The following PUDP variants were observed in gnomAD, a reference collection of about 807,000 sequenced individuals.
PUDP encodes pseudouridine-5'-phosphatase.
In PUDP, 8 loss-of-function variants were observed where a neutral mutation model predicts 9.4. That is an observed-to-expected ratio of 0.85 (90% CI 0.50 to 1.53). PUDP has a LOEUF of 1.53. Ranked by LOEUF, PUDP falls within the 40% of genes most tolerant of loss-of-function variation. The pLI, the probability that PUDP is intolerant of heterozygous loss-of-function variation, is 0.00. For missense variants in PUDP, 188 were observed against 189.7 expected (o/e 0.99, Z 0.05); for synonymous variants, 99 against 80.7 (o/e 1.23, Z -1.22).
At chrX:7,104,198 T>C (rs1309161245) in intron 2 of PUDP, among the ~76,000 whole-genome samples, 1 of 112,245 alleles carries the variant, frequency 8.9e-6, no homozygotes, top group Non-Finnish European at 1.9e-5. Flanking sequence ...TGGTCTAACA[T>C]ACCATAGAAT....
At chrX:6,792,795 T>C (rs1421507492) in intron 3 of PUDP, among the ~76,000 whole-genome samples, 1 of 112,958 alleles carries the variant, frequency 8.9e-6, no homozygotes, top group Non-Finnish European at 1.9e-5. Context: ...TGATTTTTTC[T>C]TGCTAATCTG....
intron 3 of PUDP, among the ~76,000 whole-genome samples, chrX:6,940,767 CA>C (rs1232507283): frequency 9.0e-6 from 1 of 111,587 alleles, no homozygotes; most frequent in Non-Finnish European, 1.9e-5. Flanking sequence ...CTCTTGTTTA[CA>C]AACTTCCACT....
intron 3 of PUDP, among the ~76,000 whole-genome samples, chrX:6,944,394 T>C (rs955855369): frequency 3.6e-5 from 4 of 111,439 alleles, no homozygotes; most frequent in Middle Eastern, 4.6e-3. Context: ...AGTGTGAAAA[T>C]GAACTAATAC....
intron 3 of PUDP, among the ~76,000 whole-genome samples, chrX:6,848,091 T>C (rs1926775022): frequency 8.9e-6 from 1 of 112,077 alleles, no homozygotes; most frequent in African/African-American, 3.2e-5. Flanking sequence ...AGGGATCCTG[T>C]GTACATCTTC....
intron 2 of PUDP, among the ~76,000 whole-genome samples, chrX:7,096,945 G>A (rs1426495998): frequency 1.8e-5 from 2 of 110,867 alleles, no homozygotes; most frequent in Non-Finnish European, 3.8e-5. Context: ...TTCATGATGC[G>A]AAAAATGATG....
chrX:6,969,564 C>A (rs999271738), intron 3 of PUDP, among the ~76,000 whole-genome samples: 7 of 112,562 alleles, frequency 6.2e-5, no homozygotes, highest in Non-Finnish European at 1.3e-4. Context: ...ATTTTCTAAA[C>A]ACAAAGTACT....
chrX:7,041,134 C>T (rs375424165), intron 1 of PUDP, among the ~76,000 whole-genome samples: 12 of 111,706 alleles, frequency 1.1e-4, no homozygotes, highest in African/African-American at 2.0e-4. Flanking sequence ...AGATTAATGA[C>T]GACGTCTCAC....
chrX:6,802,643 G>A (rs1008864455), intron 3 of PUDP, among the ~76,000 whole-genome samples: 20 of 109,946 alleles, frequency 1.8e-4, no homozygotes, highest in Admixed American at 7.9e-4. Flanking sequence ...CAGCACTCTG[G>A]GAGGCCAAGG....
intron 1 of PUDP, among the ~76,000 whole-genome samples, chrX:7,110,418 G>C (rs1398977878): frequency 8.9e-6 from 1 of 112,476 alleles, no homozygotes; most frequent in African/African-American, 3.2e-5. Context: ...CTCTCAGGGA[G>C]CTGTACCTGC....
chrX:7,131,937 G>A (rs61429406), intron 1 of PUDP, among the ~76,000 whole-genome samples: 35,510 of 108,170 alleles, frequency 0.33, 4,565 homozygotes, highest in Middle Eastern at 0.48. Flanking sequence ...CAACCCTTCC[G>A]GTGGCTCATT....
chrX:6,995,597 G>T (rs2146806745), intron 1 of PUDP, among the ~76,000 whole-genome samples: 1 of 110,038 alleles, frequency 9.1e-6, no homozygotes, highest in African/African-American at 3.3e-5. Flanking sequence ...GGTGGTGCAT[G>T]CCTGTAGTTC....
intron 1 of PUDP, among the ~76,000 whole-genome samples, chrX:7,143,088 C>A (rs1405504952): frequency 4.5e-5 from 5 of 111,562 alleles, no homozygotes; most frequent in Non-Finnish European, 1.9e-5. Context: ...AAGACAACAC[C>A]TTCCACCAGC....
intron 1 of PUDP, among the ~76,000 whole-genome samples, chrX:7,123,790 A>G (rs1373448772): frequency 8.9e-6 from 1 of 112,063 alleles, no homozygotes; most frequent in Non-Finnish European, 1.9e-5. Context: ...AAAAAAACCA[A>G]ACAATTTTAA....
intron 1 of PUDP, among the ~76,000 whole-genome samples, chrX:7,001,900 T>C (rs746004448): frequency 1.4e-4 from 16 of 111,532 alleles, no homozygotes; most frequent in African/African-American, 3.9e-4. Flanking sequence ...GTCCTATGGA[T>C]AGGAAAGCAC....
chrX:6,772,758 C>T (rs1925387353), intron 3 of PUDP, among the ~76,000 whole-genome samples: 1 of 103,482 alleles, frequency 9.7e-6, no homozygotes, highest in Admixed American at 1.1e-4. Flanking sequence ...AAGTGAGACC[C>T]CATCTCTACA....
intron 3 of PUDP, among the ~76,000 whole-genome samples, chrX:6,775,112 T>C (rs901684392): frequency 1.8e-5 from 2 of 112,135 alleles, no homozygotes; most frequent in Non-Finnish European, 3.8e-5. Flanking sequence ...CATTCCCTGC[T>C]CCCATCCTCA....
intron 3 of PUDP, among the ~76,000 whole-genome samples, chrX:6,766,019 A>G (rs1421770003): frequency 8.9e-6 from 1 of 111,836 alleles, no homozygotes; most frequent in Non-Finnish European, 1.9e-5. Flanking sequence ...CTCTAGGGAA[A>G]AATATTATTC....
At chrX:7,102,312 G>A (rs1931757850) in intron 2 of PUDP, among the ~76,000 whole-genome samples, 3 of 81,580 alleles carry the variant, frequency 3.7e-5, no homozygotes, top group Non-Finnish European at 4.7e-5. Flanking sequence ...TACAGAATAA[G>A]GAACCAAAAA....
At chrX:6,722,944 T>A (rs910245138), upstream of PUDP, among the ~76,000 whole-genome samples, 1 of 111,600 alleles carries the variant, frequency 9.0e-6, no homozygotes, top group Admixed American at 9.5e-5. Context: ...GAAAATGAAA[T>A]TTTTCACACT....
Sources: gnomAD v4.1 joint callset for allele counts (sites outside exome capture counted in the v4.1 genomes callset) on GRCh38, gnomAD v4.1.1 for gene constraint, MANE v1.5 for transcripts, NCBI Gene and HGNC (gene_info 2026-07-23, HGNC 2026-07-21) for gene names.